Variants in TSHZ2 observed in about 807,000 individuals in gnomAD.
TSHZ2 encodes teashirt homolog 2.
TSHZ2 carries 21 observed loss-of-function variants against 74.4 expected under a neutral mutation model. That is an observed-to-expected ratio of 0.28 (90% CI 0.20 to 0.41). The LOEUF (loss-of-function observed/expected upper bound fraction) is 0.41, where lower values mean the gene tolerates loss of function less well. TSHZ2 is among the 10% of genes least tolerant of loss of function. The probability of loss-of-function intolerance (pLI) is 1.00; values close to 1 mark genes in which losing one functional copy is unlikely to be tolerated. For synonymous variants in TSHZ2, 540 were observed against 515.3 expected (o/e 1.05, Z -0.65); for missense variants, 1,244 against 1,293.5 (o/e 0.96, Z 0.59).
intron 2 of TSHZ2, among the ~76,000 whole-genome samples, chr20:53,423,956 C>T (rs1983571589): frequency 6.6e-6 from 1 of 152,200 alleles, no homozygotes; most frequent in South Asian, 2.1e-4. Context: ...CAGCTAAACA[C>T]CCCGACGACG....
chr20:53,243,017 TGGG>T (rs1568830650), intron 1 of TSHZ2, among the ~76,000 whole-genome samples: 1 of 151,738 alleles, frequency 6.6e-6, no homozygotes, highest in Non-Finnish European at 1.5e-5. Flanking sequence ...AAAAGAAAAA[TGGG>T]GGACTGAGAT....
chr20:53,385,220 A>G (rs1204279769), intron 2 of TSHZ2, among the ~76,000 whole-genome samples: 1 of 152,198 alleles, frequency 6.6e-6, no homozygotes, highest in Admixed American at 6.5e-5. Context: ...AGTAGGAATA[A>G]TATAAAAACA....
intron 1 of TSHZ2, among the ~76,000 whole-genome samples, chr20:53,133,827 G>C (rs1987170315): frequency 6.6e-6 from 1 of 151,910 alleles, no homozygotes; most frequent in Non-Finnish European, 1.5e-5. Context: ...ACTGGCTATG[G>C]GGTGTGTTCA....
intron 1 of TSHZ2, among the ~76,000 whole-genome samples, chr20:52,995,787 ATTT>A (rs11474850): frequency 1.4e-5 from 2 of 142,576 alleles, no homozygotes. Flanking sequence ...TAATTTTTGT[ATTT>A]TTTTTTTTTT....
At chr20:53,275,524 A>C (rs749911523) in intron 2 of TSHZ2, among the ~76,000 whole-genome samples, 1 of 152,138 alleles carries the variant, frequency 6.6e-6, no homozygotes, top group Non-Finnish European at 1.5e-5. Context: ...TTTCAAGAGG[A>C]AAGGCTGCAG....
chr20:53,158,523 T>C (rs1039494036), intron 1 of TSHZ2, among the ~76,000 whole-genome samples: 1 of 152,154 alleles, frequency 6.6e-6, no homozygotes, highest in Non-Finnish European at 1.5e-5. Context: ...ATTTTTGAAG[T>C]TTGAGCCTAT....
At chr20:53,381,077 T>C (rs775681732) in intron 2 of TSHZ2, among the ~76,000 whole-genome samples, 5 of 152,226 alleles carry the variant, frequency 3.3e-5, no homozygotes, top group Non-Finnish European at 7.3e-5. Flanking sequence ...CACGAAATCT[T>C]GGTTGTAACA....
chr20:53,122,436 G>A (rs1986837215), intron 1 of TSHZ2, among the ~76,000 whole-genome samples: 1 of 151,972 alleles, frequency 6.6e-6, no homozygotes, highest in Non-Finnish European at 1.5e-5. Flanking sequence ...CTACAAATAA[G>A]ACCACTTTTA....
intron 2 of TSHZ2, among the ~76,000 whole-genome samples, chr20:53,422,832 T>A (rs1406934497): frequency 6.6e-6 from 1 of 152,180 alleles, no homozygotes; most frequent in East Asian, 1.9e-4. Context: ...CAATATACAG[T>A]CAGGACTTCA....
At chr20:53,099,132 T>C (rs1393286355) in intron 1 of TSHZ2, among the ~76,000 whole-genome samples, 2 of 152,178 alleles carry the variant, frequency 1.3e-5, no homozygotes, top group Non-Finnish European at 2.9e-5. Flanking sequence ...AATGGAATGA[T>C]CTTCTATTGA....
chr20:53,091,661 C>T (rs553332907), intron 1 of TSHZ2, among the ~76,000 whole-genome samples: 2 of 152,328 alleles, frequency 1.3e-5, no homozygotes, highest in African/African-American at 4.8e-5. Flanking sequence ...AAATGAGGCA[C>T]TGTTGATGCC....
intron 1 of TSHZ2, among the ~76,000 whole-genome samples, chr20:53,207,530 G>T (rs1207835309): frequency 6.6e-6 from 1 of 152,088 alleles, no homozygotes; most frequent in Non-Finnish European, 1.5e-5. Flanking sequence ...CACTTGTAGG[G>T]ACATGGCTGC....
At chr20:53,241,859 A>C (rs1299294225) in intron 1 of TSHZ2, among the ~76,000 whole-genome samples, 1 of 152,084 alleles carries the variant, frequency 6.6e-6, no homozygotes, top group Admixed American at 6.6e-5. Context: ...TGAGATTTGA[A>C]CCCAGGTGGG....
chr20:53,276,828 C>G (rs1211309719), intron 2 of TSHZ2, among the ~76,000 whole-genome samples: 1 of 152,192 alleles, frequency 6.6e-6, no homozygotes, highest in African/African-American at 2.4e-5. Context: ...GCTTTAAGTA[C>G]CTGGGCATGT....
intron 2 of TSHZ2, among the ~76,000 whole-genome samples, chr20:53,356,562 T>C (rs1980854749): frequency 6.6e-6 from 1 of 152,186 alleles, no homozygotes; most frequent in Non-Finnish European, 1.5e-5. Flanking sequence ...GCTTGAACAG[T>C]CTTTTAGACA....
intron 2 of TSHZ2, among the ~76,000 whole-genome samples, chr20:53,418,574 G>A (rs139123868): frequency 1.6e-3 from 251 of 152,166 alleles, no homozygotes; most frequent in Middle Eastern, 3.4e-3. Flanking sequence ...ATCAGATCTC[G>A]TGAGACCTAT....
intron 1 of TSHZ2, among the ~76,000 whole-genome samples, chr20:53,149,036 C>T (rs1987612572): frequency 6.6e-6 from 1 of 152,176 alleles, no homozygotes; most frequent in Non-Finnish European, 1.5e-5. Context: ...ATGCCAGTTT[C>T]TCCGTAGATA....
At chr20:53,320,944 T>A (rs988413030) in intron 2 of TSHZ2, among the ~76,000 whole-genome samples, 10 of 152,330 alleles carry the variant, frequency 6.6e-5, no homozygotes, top group Admixed American at 6.5e-5. Flanking sequence ...CCAGTGCCCA[T>A]GTACGATAAA....
intron 1 of TSHZ2, among the ~76,000 whole-genome samples, chr20:53,091,384 G>A (rs567151804): frequency 2.4e-4 from 36 of 152,282 alleles, no homozygotes; most frequent in African/African-American, 8.2e-4. Flanking sequence ...TTTGTATGCC[G>A]CTCCCGGTTT....
Sources: gnomAD v4.1 joint callset for allele counts (sites outside exome capture counted in the v4.1 genomes callset) on GRCh38, gnomAD v4.1.1 for gene constraint, MANE v1.5 for transcripts, NCBI Gene and HGNC (gene_info 2026-07-23, HGNC 2026-07-21) for gene names.